Variants in SOCS6 observed in about 807,000 individuals in gnomAD.
The protein encoded by SOCS6 is suppressor of cytokine signaling 6, also known as STAT induced STAT inhibitor-4.
SOCS6 carries 5 observed loss-of-function variants against 27.7 expected under a neutral mutation model. The ratio of observed to expected loss-of-function variants is 0.18; its 90% CI spans 0.09 to 0.38. The LOEUF (loss-of-function observed/expected upper bound fraction) is 0.38, where lower values mean the gene tolerates loss of function less well. SOCS6 is among the 10% of genes least tolerant of loss of function. The probability of loss-of-function intolerance (pLI) is 1.00; values close to 1 mark genes in which losing one functional copy is unlikely to be tolerated. For synonymous variants in SOCS6, 271 were observed against 260.0 expected (o/e 1.04, Z -0.41); for missense variants, 595 against 688.1 (o/e 0.86, Z 1.51).
rs774460366 is a variant in SOCS6, at chr18:70,324,631, T to C, written c.-38T>C. The C allele has an allele frequency of 2.2e-6, 3 of 1,359,386 alleles. No homozygotes were observed. Among genetic ancestry groups the C allele is most frequent in the African/African-American group, 1.5e-5 (1 of 68,670 alleles). 84.2% of individuals were successfully genotyped at this position (1,359,386 alleles called of 1,614,324 possible). On this transcript the variant is annotated 5_prime_UTR_variant, in exon 2 of 2. Transcript: ENST00000397942. ...AGATGTTTGGGGATAATATTCCAGA[T>C]AGAAATATTGATCCCTTGGATTAGG...
chr18:70,300,445 A>G (rs1428309068), intron 1 of SOCS6, among the ~76,000 whole-genome samples: 1 of 152,220 alleles, frequency 6.6e-6, no homozygotes, highest in Non-Finnish European at 1.5e-5. Context: ...ATCAATTCTT[A>G]TAAGCCAACA....
chr18:70,327,832 T>A lies in SOCS6; in HGVS notation c.*1556T>A, dbSNP rs1430412256. On this transcript the variant is annotated 3_prime_UTR_variant, in exon 2 of 2. Transcript: ENST00000397942. ...GAGATAGGAAAAGTCTCTTACCCACTTTAAACATGAGGGTAAAGGTTTAGG... is the reference window on the plus strand; with the variant it reads ...GAGATAGGAAAAGTCTCTTACCCACATTAAACATGAGGGTAAAGGTTTAGG... 1.2e-5 allele frequency: 2 copies of A among 166,714 alleles called. No individual in the cohort carries two copies. The highest frequency in any genetic ancestry group is 2.9e-5 in the Non-Finnish European group (2 of 68,092). The allele number at this position is 166,714 out of a possible 1,614,324, so 10.3% of individuals were successfully genotyped here. A position where few individuals can be genotyped will look rare whatever the true frequency, so the allele number is the denominator to read the frequency against.
In SOCS6 at chr18:70,325,462, A is replaced by G. The variant is rs1423901196; in HGVS notation, c.794A>G (p.Asp265Gly). 6.2e-7 allele frequency: 1 copy of G among 1,614,148 alleles called. No homozygotes were observed. Among genetic ancestry groups the G allele is most frequent in the Non-Finnish European group, 8.5e-7 (1 of 1,180,030 alleles). ...GTGGGAGGGCGCGCTTTCCCCGAGG[A>G]TGAGAGTCAGGTAGACCAGGACCTA... ...PQVGGRAFPE[D>G]ESQVDQDLVV... Residue 265 changes from aspartate (D) to glycine (G), a missense_variant, in exon 2 of 2, where the codon GAT becomes GGT. This residue lies in a region of SOCS6 where 467 missense variants were observed against 481.1 expected (regional missense o/e 0.97). Coordinates refer to ENST00000397942, the MANE Select transcript of SOCS6 (RefSeq NM_004232.4). This position sits in a 1 kb window ranked among gnomAD's most constrained non-coding sequence, Gnocchi z 6.3.
chr18:70,325,050 C>T lies in SOCS6; in HGVS notation c.382C>T (p.Arg128Cys), dbSNP rs1314337590. ...AQRPIRSTSL[R>C]SHHYSPAPWP... ...GAGGCCGATAAGGTCCACGTCGCTC[C>T]GCAGCCATCACTACAGTCCCGCGCC... The change falls in exon 2 of 2, where the codon CGC becomes TGC. Residue 128 changes from arginine (R) to cysteine (C), a missense_variant. This residue lies in a region of SOCS6 where 467 missense variants were observed against 481.1 expected (regional missense o/e 0.97). Transcript: ENST00000397942. The surrounding 1 kb of genome is among the most constrained non-coding windows in gnomAD (Gnocchi z 6.3). The T allele has an allele frequency of 1.2e-5, 19 of 1,614,028 alleles. No individual in the cohort carries two copies. The highest frequency in any genetic ancestry group is 2.2e-5 in the East Asian group (1 of 44,890).
intron 1 of SOCS6, among the ~76,000 whole-genome samples, chr18:70,301,403 G>T (rs549907001): frequency 5.5e-4 from 83 of 152,254 alleles, no homozygotes; most frequent in African/African-American, 1.1e-3. Context: ...CATACTGGAT[G>T]AGGAATGAGA....
Position 70,325,071 on chromosome 18 carries a change from G to C in SOCS6, c.403G>C (p.Ala135Pro), listed in dbSNP as rs756162788. 6.2e-7 allele frequency: 1 copy of C among 1,614,074 alleles called. No individual in the cohort carries two copies. Among genetic ancestry groups the C allele is most frequent in the South Asian group, 1.1e-5 (1 of 91,074 alleles). ...GCTCCGCAGCCATCACTACAGTCCC[G>C]CGCCGTGGCCTCTGCGGCCCACAAA... ...TSLRSHHYSP[A>P]PWPLRPTNSE... is the part of the protein sequence containing the mutation. The change falls in exon 2 of 2, where the codon GCG becomes CCG. Residue 135 changes from alanine to proline, a missense_variant. Ala to Pro is a conservative substitution (Grantham distance 27, BLOSUM62 -1). Coordinates refer to ENST00000397942, the MANE Select transcript of SOCS6 (RefSeq NM_004232.4). This position sits in a 1 kb window ranked among gnomAD's most constrained non-coding sequence, Gnocchi z 6.3.
At position 70,306,437 on chromosome 18, in the gene SOCS6, C is replaced by T. The variant is rs182287542; in HGVS notation, c.-127+17347C>T. ...GGCGGAGATTGCAGTGAGCTGAGATCGTGCCATTGCACTCCAGCCTGGTGA... is the reference window on the plus strand; with the variant it reads ...GGCGGAGATTGCAGTGAGCTGAGATTGTGCCATTGCACTCCAGCCTGGTGA... On this transcript the variant is annotated intron_variant, in intron 1 of 1. Transcript: ENST00000397942. 2.7e-3 allele frequency among the ~76,000 whole-genome samples: 355 copies of T among 129,376 alleles called. 1 individual carries two copies. The highest frequency in any genetic ancestry group is 9.8e-3 in the African/African-American group (326 of 33,114). 84.9% of individuals were successfully genotyped at this position (129,376 alleles called of 152,430 possible).
At chr18:70,300,779 T>G (rs571162784) in intron 1 of SOCS6, among the ~76,000 whole-genome samples, 1 of 152,326 alleles carries the variant, frequency 6.6e-6, no homozygotes, top group Non-Finnish European at 1.5e-5. Flanking sequence ...ACTTGAAAAT[T>G]TATTAGAACT....
chr18:70,327,280 GTTTTA>G lies in SOCS6; in HGVS notation c.*1005_*1009del, dbSNP rs1217662968. The G allele has an allele frequency of 6.0e-6, 1 of 166,662 alleles. No homozygotes were observed. Among genetic ancestry groups the G allele is most frequent in the Non-Finnish European group, 1.5e-5 (1 of 68,048 alleles). 10.3% of individuals were successfully genotyped at this position (166,662 alleles called of 1,614,324 possible). A position where few individuals can be genotyped will look rare whatever the true frequency, so the allele number is the denominator to read the frequency against. On this transcript the variant is annotated 3_prime_UTR_variant, in exon 2 of 2. Transcript: ENST00000397942. ...CTTGCAACATTAATGTTTATAAAAA[GTTTTA>G]AATTGATTTGAATAGAAAGAAAACA...
intron 1 of SOCS6, among the ~76,000 whole-genome samples, chr18:70,293,067 A>G (rs1243966351): frequency 1.3e-5 from 2 of 151,194 alleles, no homozygotes; most frequent in East Asian, 1.9e-4. Context: ...AATAAGTTCT[A>G]TGAGGGCAGA....
chr18:70,300,456 C>CA (rs1482302599), intron 1 of SOCS6, among the ~76,000 whole-genome samples: 1 of 152,028 alleles, frequency 6.6e-6, no homozygotes, highest in Non-Finnish European at 1.5e-5. Context: ...TAAGCCAACA[C>CA]AAAAAGCATT....
chr18:70,292,417 T>C (rs2062303856), intron 1 of SOCS6, among the ~76,000 whole-genome samples: 1 of 152,232 alleles, frequency 6.6e-6, no homozygotes, highest in South Asian at 2.1e-4. Context: ...TAGGACTCAC[T>C]GCAGCCTCGA....
chr18:70,311,398 G>C (rs1355141567), intron 1 of SOCS6, among the ~76,000 whole-genome samples: 1 of 152,166 alleles, frequency 6.6e-6, no homozygotes, highest in Non-Finnish European at 1.5e-5. Context: ...ATTAAGGAAA[G>C]TTGTTTATAC....
chr18:70,293,741 G>T (rs746339075), intron 1 of SOCS6, among the ~76,000 whole-genome samples: 18 of 152,002 alleles, frequency 1.2e-4, no homozygotes, highest in Non-Finnish European at 2.6e-4. Context: ...AAAAACTTAA[G>T]GTTTTGTTCC....
chr18:70,301,319 T>C (rs908200200), intron 1 of SOCS6, among the ~76,000 whole-genome samples: 9 of 152,184 alleles, frequency 5.9e-5, no homozygotes, highest in Admixed American at 2.0e-4. Flanking sequence ...GATGGTAGCT[T>C]GGACTAGTAT....
intron 1 of SOCS6, among the ~76,000 whole-genome samples, chr18:70,304,653 G>T (rs2062361627): frequency 6.6e-6 from 1 of 152,034 alleles, no homozygotes; most frequent in Admixed American, 6.6e-5. Context: ...TTATATCTTG[G>T]TATCATCTCT....
At chr18:70,298,594 G>A (rs935894657) in intron 1 of SOCS6, among the ~76,000 whole-genome samples, 1 of 152,110 alleles carries the variant, frequency 6.6e-6, no homozygotes, top group African/African-American at 2.4e-5. Flanking sequence ...ACATCATTAA[G>A]GATCTTACTA....
chr18:70,316,645 C>T (rs761859990), intron 1 of SOCS6, among the ~76,000 whole-genome samples: 2 of 152,048 alleles, frequency 1.3e-5, no homozygotes, highest in Non-Finnish European at 2.9e-5. Flanking sequence ...ACCATTGTTA[C>T]TCTAGCTTCC....
intron 1 of SOCS6, among the ~76,000 whole-genome samples, chr18:70,318,510 A>G (rs1380034709): frequency 6.6e-6 from 1 of 152,222 alleles, no homozygotes; most frequent in African/African-American, 2.4e-5. Flanking sequence ...ACAGTGAAGA[A>G]GAGAATAGTT....
Sources: gnomAD v4.1 joint callset for allele counts (sites outside exome capture counted in the v4.1 genomes callset) on GRCh38, gnomAD v4.1.1 for gene constraint, gnomAD v4.1.1 regional missense constraint, Gnocchi (gnomAD v3.1) non-coding constraint, MANE v1.5 for transcripts, NCBI Gene and HGNC (gene_info 2026-07-23, HGNC 2026-07-21) for gene names.